Variants in KIF16B observed in about 807,000 individuals in gnomAD.
KIF16B encodes the protein kinesin family member 16B, also known as kinesin-like protein KIF16B.
A neutral mutation model predicts 156.3 loss-of-function variants in KIF16B; 98 were observed. That is an observed-to-expected ratio of 0.63 (90% CI 0.53 to 0.74). The LOEUF (loss-of-function observed/expected upper bound fraction) is 0.74, where lower values mean the gene tolerates loss of function less well. Ranked by LOEUF, KIF16B falls within the 30% of genes least tolerant of loss-of-function variation. The probability of loss-of-function intolerance (pLI) is 0.00; values close to 1 mark genes in which losing one functional copy is unlikely to be tolerated. For missense variants in KIF16B, 1,421 were observed against 1,606.5 expected (o/e 0.88, Z 1.97); for synonymous variants, 564 against 583.7 (o/e 0.97, Z 0.49).
intron 17 of KIF16B, among the ~76,000 whole-genome samples, chr20:16,396,611 T>C (rs2065508554): frequency 6.7e-6 from 1 of 150,348 alleles, no homozygotes; most frequent in Non-Finnish European, 1.5e-5. Flanking sequence ...AACAGAGGTA[T>C]GGGCTAGAAG....
At chr20:16,366,796 G>T in intron 22 of KIF16B, 1 of 1,028,342 alleles carries the variant, frequency 9.7e-7, no homozygotes, top group Non-Finnish European at 1.2e-6. Context: ...AATCCAGTAG[G>T]CACAGACAGA....
intron 24 of KIF16B, among the ~76,000 whole-genome samples, chr20:16,319,099 A>G (rs2063738643): frequency 6.6e-6 from 1 of 152,216 alleles, no homozygotes; most frequent in Non-Finnish European, 1.5e-5. Context: ...CAAGGCAAGT[A>G]TAAGAAACTG....
At position 16,327,068 on chromosome 20, in the gene KIF16B, T is replaced by TACACACAC. The variant is rs35869892; in HGVS notation, c.3711+8850_3711+8857dup. 5.0e-3 allele frequency among the ~76,000 whole-genome samples: 716 copies of TACACACAC among 143,032 alleles called. 6 individuals are homozygous for TACACACAC. The highest frequency in any genetic ancestry group is 0.033 in the Admixed American group (470 of 14,252). The allele number at this position is 143,032 out of a possible 152,430, so 93.8% of individuals were successfully genotyped here. ...ATATATGTATGTATATGTATACATG[T>TACACACAC]ACACACACACACACACACACACACA... On this transcript the variant is annotated intron_variant, in intron 24 of 25. Transcript: ENST00000354981.
At chr20:16,410,792 C>T (rs4814491) in intron 15 of KIF16B, among the ~76,000 whole-genome samples, 73,782 of 151,834 alleles carry the variant, frequency 0.49, 19,027 homozygotes, top group East Asian at 0.69. Flanking sequence ...ACTCCTTGAA[C>T]TGAAAACAGG....
intron 1 of KIF16B, among the ~76,000 whole-genome samples, chr20:16,571,830 C>T (rs559263035): frequency 6.6e-6 from 1 of 152,142 alleles, no homozygotes; most frequent in East Asian, 1.9e-4. Flanking sequence ...GGGGTTTCAC[C>T]GTGTTAGCCA....
chr20:16,508,715 C>T (rs1399590182), intron 6 of KIF16B, among the ~76,000 whole-genome samples: 1 of 152,080 alleles, frequency 6.6e-6, no homozygotes, highest in African/African-American at 2.4e-5. Flanking sequence ...AGTCTGCAGC[C>T]CGGGGGTTAG....
intron 12 of KIF16B, among the ~76,000 whole-genome samples, chr20:16,474,238 C>A (rs1232648161): frequency 6.6e-6 from 1 of 152,196 alleles, no homozygotes; most frequent in East Asian, 1.9e-4. Flanking sequence ...CCCTTTGTGA[C>A]CCCACCAATC....
chr20:16,549,138 C>T (rs1379053630), intron 1 of KIF16B, among the ~76,000 whole-genome samples: 13 of 150,190 alleles, frequency 8.7e-5, no homozygotes, highest in African/African-American at 3.2e-4. Context: ...GCACTGCACC[C>T]ACTAACTCGT....
At chr20:16,467,718 G>A (rs2067533436) in intron 12 of KIF16B, among the ~76,000 whole-genome samples, 1 of 123,388 alleles carries the variant, frequency 8.1e-6, no homozygotes, top group South Asian at 2.6e-4. Context: ...TTAATAGGGG[G>A]GAAAAAAAAA....
intron 23 of KIF16B, among the ~76,000 whole-genome samples, chr20:16,338,184 G>A (rs2064075212): frequency 6.6e-6 from 1 of 152,112 alleles, no homozygotes; most frequent in African/African-American, 2.4e-5. Context: ...CTCCCGTGAG[G>A]AAGCACTTCC....
chr20:16,438,146 CA>C (rs951579756), intron 12 of KIF16B, among the ~76,000 whole-genome samples: 4 of 149,936 alleles, frequency 2.7e-5, no homozygotes, highest in African/African-American at 7.4e-5. Flanking sequence ...GACTCCGTCT[CA>C]AAAAAAAAGA....
intron 24 of KIF16B, among the ~76,000 whole-genome samples, chr20:16,319,963 A>G (rs13040354): frequency 0.04 from 6,109 of 152,268 alleles, 151 homozygotes; most frequent in African/African-American, 0.061. Context: ...CCAGGGCTAA[A>G]TGAAACACTC....
intron 12 of KIF16B, among the ~76,000 whole-genome samples, chr20:16,438,641 G>C (rs1019814792): frequency 1.3e-5 from 2 of 152,042 alleles, no homozygotes; most frequent in African/African-American, 4.8e-5. Context: ...AGATTACTAG[G>C]AAGTCAGTGA....
At position 16,282,095 on chromosome 20, in the gene KIF16B, G is replaced by C. The variant is rs567430294; in HGVS notation, c.3796-8684C>G. 2.1e-5 allele frequency among the ~76,000 whole-genome samples: 3 copies of C among 142,622 alleles called. No individual in the cohort carries two copies. The East Asian group carries it at 6.6e-4, about 31-fold the overall frequency. 93.6% of individuals were successfully genotyped at this position (142,622 alleles called of 152,430 possible). A position where few individuals can be genotyped will look rare whatever the true frequency, so the allele number is the denominator to read the frequency against. On this transcript the variant is annotated intron_variant, in intron 25 of 25. Coordinates refer to ENST00000354981, the MANE Select transcript of KIF16B (RefSeq NM_024704.5). ...CACTCAGGCTGGAGTGCAGTGGCAT[G>C]ATCTCAGCTCACTGCAACCTCCGCC...
intron 6 of KIF16B, 75 bp downstream of exon 6, chr20:16,511,343 C>T: frequency 2.5e-6 from 2 of 791,362 alleles, no homozygotes; most frequent in Non-Finnish European, 4.1e-6. Flanking sequence ...CACCATTATG[C>T]TATATTTTTT....
intron 12 of KIF16B, among the ~76,000 whole-genome samples, chr20:16,462,651 ATTAT>A (rs2067379271): frequency 1.3e-5 from 2 of 152,148 alleles, no homozygotes; most frequent in African/African-American, 2.4e-5. Flanking sequence ...TCAAAAAAAA[ATTAT>A]TTAGACAGTT....
At chr20:16,524,499 T>C (rs150199273) in intron 3 of KIF16B, among the ~76,000 whole-genome samples, 1 of 152,178 alleles carries the variant, frequency 6.6e-6, no homozygotes, top group Admixed American at 6.5e-5. Context: ...CCAGTTAGAA[T>C]GGCGATCATT....
At chr20:16,400,615 T>A (rs1451560260) in intron 17 of KIF16B, among the ~76,000 whole-genome samples, 1 of 151,766 alleles carries the variant, frequency 6.6e-6, no homozygotes, top group East Asian at 1.9e-4. Flanking sequence ...AATCAAAGAG[T>A]CCATCAACAG....
chr20:16,364,444 C>T (rs555737486), intron 22 of KIF16B, among the ~76,000 whole-genome samples: 1 of 152,264 alleles, frequency 6.6e-6, no homozygotes, highest in South Asian at 2.1e-4. Flanking sequence ...CTCATTACAG[C>T]CGAGATGTCG....
Sources: allele counts gnomAD v4.1 joint callset (sites outside exome capture counted in the v4.1 genomes callset), GRCh38; gene constraint gnomAD v4.1.1; transcripts MANE v1.5; gene names NCBI Gene and HGNC (gene_info 2026-07-23, HGNC 2026-07-21).